NEO1: variants seen among roughly 807,000 people sequenced by gnomAD.
The protein encoded by NEO1 is neogenin 1.
Under a neutral mutation model 159.7 loss-of-function variants are expected in NEO1, and 63 were observed. The ratio of observed to expected loss-of-function variants is 0.39; its 90% CI spans 0.32 to 0.49. NEO1 has a LOEUF of 0.49. NEO1 is among the 20% of genes least tolerant of loss of function. NEO1 has a pLI of 0.85. For missense variants in NEO1, 1,615 were observed against 1,831.0 expected (o/e 0.88, Z 2.15); for synonymous variants, 633 against 662.0 (o/e 0.96, Z 0.67).
At chr15:73,266,221 T>C in intron 15 of NEO1, 95 bp from the exon 16 acceptor site, 1 of 906,072 alleles carries the variant, frequency 1.1e-6, no homozygotes, top group Non-Finnish European at 1.6e-6. Context: ...TTGTCTTTCT[T>C]GAATTCTTCT....
chr15:73,194,428 C>G (rs529040781), intron 7 of NEO1, among the ~76,000 whole-genome samples: 1 of 152,142 alleles, frequency 6.6e-6, no homozygotes, highest in Non-Finnish European at 1.5e-5. Flanking sequence ...AAGCATGGCA[C>G]CATCATCTGC....
chr15:73,066,041 T>TC (rs1436726227), intron 1 of NEO1, among the ~76,000 whole-genome samples: 2 of 150,314 alleles, frequency 1.3e-5, no homozygotes, highest in Non-Finnish European at 3.0e-5. Context: ...TTTTCTTTTT[T>TC]TTTTTTTTGA....
chr15:73,285,528 C>T (rs1197540685), intron 23 of NEO1, among the ~76,000 whole-genome samples: 1 of 152,210 alleles, frequency 6.6e-6, no homozygotes, highest in Admixed American at 6.5e-5. Flanking sequence ...CCCCCACTTC[C>T]CCAGTTATCT....
Position 73,244,461 on chromosome 15 carries a change from G to A in NEO1, c.1569G>A (p.Glu523=). The A allele has an allele frequency of 6.2e-7, 1 of 1,613,894 alleles. No homozygotes were observed. Among genetic ancestry groups the A allele is most frequent in the Admixed American group, 1.7e-5 (1 of 59,992 alleles). The stretch of plus-strand genomic sequence containing the variant: ...CTCAAAATAAGCATGGCTCAGGAGA[G>A]AGTTCAGCTCCACTGCGAGTAGAAA... ...VMAQNKHGSG[E]SSAPLRVETQ... is the part of the protein sequence containing the mutation. Residue 523 remains glutamate (E), a synonymous_variant, in exon 9 of 29, where the codon GAG becomes GAA. Transcript: ENST00000261908.
chr15:73,278,052 T>A, intron 21 of NEO1, 79 bp from the exon 22 acceptor site: 1 of 1,294,896 alleles, frequency 7.7e-7, no homozygotes, highest in African/African-American at 1.5e-5. Context: ...GTTTTTTGTT[T>A]AAAACACTCC....
At chr15:73,116,975 A>G (rs115927400) in intron 2 of NEO1, 118 bp downstream of exon 2, 2 of 796,082 alleles carry the variant, frequency 2.5e-6, no homozygotes, top group African/African-American at 3.5e-5. Flanking sequence ...TACTCATTTA[A>G]CAGATATCAA....
At chr15:73,292,926 C>T (rs192080761) in intron 25 of NEO1, among the ~76,000 whole-genome samples, 4 of 152,244 alleles carry the variant, frequency 2.6e-5, no homozygotes, top group South Asian at 4.1e-4. Flanking sequence ...GGAATGTACT[C>T]GAAAAAGAAG....
chr15:73,160,233 C>G (rs2034074487), intron 5 of NEO1, among the ~76,000 whole-genome samples: 1 of 152,180 alleles, frequency 6.6e-6, no homozygotes, highest in African/African-American at 2.4e-5. Flanking sequence ...TCTCTACTTT[C>G]TGCTCAACGC....
At chr15:73,256,815 G>A (rs1026762404) in intron 13 of NEO1, among the ~76,000 whole-genome samples, 7 of 152,066 alleles carry the variant, frequency 4.6e-5, no homozygotes, top group South Asian at 4.1e-4. Context: ...TCAGCTGAGC[G>A]TGGTGGCTCA....
At chr15:73,068,863 T>C (rs2068370475) in intron 1 of NEO1, among the ~76,000 whole-genome samples, 1 of 152,152 alleles carries the variant, frequency 6.6e-6, no homozygotes, top group African/African-American at 2.4e-5. Context: ...TTTTTAACTT[T>C]TATGTACATT....
At position 73,163,142 on chromosome 15, in the gene NEO1, T is replaced by A. The variant is rs938589255; in HGVS notation, c.1016-13261T>A. Among the ~76,000 whole-genome samples, 6 of 152,228 alleles carry A rather than the reference T, an allele frequency of 3.9e-5. No homozygotes were observed. The South Asian group carries it at 1.2e-3, about 32-fold the overall frequency. On this transcript the variant is annotated intron_variant, in intron 5 of 28. Coordinates refer to ENST00000261908, the MANE Select transcript of NEO1 (RefSeq NM_002499.4). ...TTGTTTTTGTAGTTATGAATTTGGT[T>A]TTTAGATTTACATTTTCTGATTTTT... is the stretch of plus-strand genomic sequence containing the variant.
chr15:73,255,458 G>C (rs2040293595), intron 13 of NEO1: 2 of 152,202 alleles, frequency 1.3e-5, no homozygotes, highest in African/African-American at 4.8e-5. Flanking sequence ...TCCTCAAGGA[G>C]GGGAAGTAGA....
intron 4 of NEO1, among the ~76,000 whole-genome samples, chr15:73,131,368 G>A (rs1347197057): frequency 6.6e-6 from 1 of 152,204 alleles, no homozygotes; most frequent in African/African-American, 2.4e-5. Flanking sequence ...TCTCCTCAGT[G>A]CAGGTTTGAA....
chr15:73,168,185 T>A (rs1327884268), intron 5 of NEO1, among the ~76,000 whole-genome samples: 2 of 151,298 alleles, frequency 1.3e-5, no homozygotes, highest in East Asian at 3.9e-4. Context: ...TTAAGGAAGT[T>A]TTTTGTTTTG....
chr15:73,153,415 A>C (rs2033535008), intron 5 of NEO1, among the ~76,000 whole-genome samples: 1 of 151,876 alleles, frequency 6.6e-6, no homozygotes, highest in African/African-American at 2.4e-5. Context: ...TAATCACTGC[A>C]TTGGCAAAAC....
At chr15:73,122,088 T>C (rs1260497058) in intron 2 of NEO1, among the ~76,000 whole-genome samples, 1 of 104,386 alleles carries the variant, frequency 9.6e-6, no homozygotes, top group Admixed American at 9.8e-5. Flanking sequence ...TATATATATA[T>C]ATATATACAC....
Position 73,122,758 on chromosome 15 carries a change from C to A in NEO1, c.682C>A (p.Pro228Thr). 6.2e-7 allele frequency: 1 copy of A among 1,614,108 alleles called. No individual in the cohort carries two copies. The highest frequency in any genetic ancestry group is 8.5e-7 in the Non-Finnish European group (1 of 1,180,006). The change falls in exon 3 of 29, where the codon CCA (proline) becomes ACA (threonine). Residue 228 changes from proline (P) to threonine (T), a missense_variant. Physicochemically the swap from Pro to Thr is conservative, Grantham distance 38. This residue lies in a region of NEO1 where 1,018 missense variants were observed against 1,115.4 expected (regional missense o/e 0.91). Coordinates refer to ENST00000261908, the MANE Select transcript of NEO1 (RefSeq NM_002499.4). ...LYRCVVESGG[P>T]PKYSDEVELK... Reference sequence around the variant, plus strand: ...TCGCTGCGTAGTGGAAAGTGGTGGGCCACCAAAGTATAGTGATGAAGTTGA... The same window carrying A: ...TCGCTGCGTAGTGGAAAGTGGTGGGACACCAAAGTATAGTGATGAAGTTGA...
Position 73,260,447 on chromosome 15 carries a change from T to C in NEO1, c.2380T>C (p.Tyr794His). The C allele has an allele frequency of 6.3e-7, 1 of 1,596,976 alleles. No individual in the cohort carries two copies. Among genetic ancestry groups the C allele is most frequent in the Admixed American group, 1.7e-5 (1 of 59,466 alleles). Residue 794 changes from tyrosine to histidine, a missense_variant, in exon 15 of 29, where the codon TAC becomes CAC. Coordinates refer to ENST00000261908, the MANE Select transcript of NEO1 (RefSeq NM_002499.4). ...CAAAGTGGACTATAAACAGCGCTAT[T>C]ACACCATTGAAAATCTGGGTATGTT... ...TIKVDYKQRY[Y>H]TIENLDPSSH...
At chr15:73,081,053 T>C in intron 1 of NEO1, among the ~76,000 whole-genome samples, 1 of 152,214 alleles carries the variant, frequency 6.6e-6, no homozygotes. Context: ...TTAAAGTCTT[T>C]ATCTTATTAA....
Sources: gnomAD v4.1 joint callset for allele counts (sites outside exome capture counted in the v4.1 genomes callset) on GRCh38, gnomAD v4.1.1 for gene constraint, gnomAD v4.1.1 regional missense constraint, MANE v1.5 for transcripts, NCBI Gene and HGNC (gene_info 2026-07-23, HGNC 2026-07-21) for gene names.